The following SRPK1 variants were observed in gnomAD, a reference collection of about 807,000 sequenced individuals.
The protein encoded by SRPK1 is SRSF protein kinase 1.
SRPK1 carries 52 observed loss-of-function variants against 89.5 expected under a neutral mutation model. The observed-to-expected ratio is 0.58, with a 90% CI of 0.46 to 0.73. The LOEUF (loss-of-function observed/expected upper bound fraction) is 0.73, where lower values mean the gene tolerates loss of function less well. Ranked by LOEUF, SRPK1 falls within the 30% of genes least tolerant of loss-of-function variation. The pLI is 0.00. For missense variants in SRPK1, 603 were observed against 780.6 expected (o/e 0.77, Z 2.71); for synonymous variants, 255 against 270.2 (o/e 0.94, Z 0.55).
chr6:35,862,380 A>G (rs1282471185), intron 12 of SRPK1, among the ~76,000 whole-genome samples: 5 of 152,160 alleles, frequency 3.3e-5, no homozygotes, highest in Non-Finnish European at 7.3e-5. Context: ...ACCCTAAGCC[A>G]CAGAGGAAAT....
At chr6:35,866,875 G>T (rs1342718389) in intron 12 of SRPK1, among the ~76,000 whole-genome samples, 1 of 146,484 alleles carries the variant, frequency 6.8e-6, no homozygotes, top group Non-Finnish European at 1.5e-5. Flanking sequence ...CAACATGGAT[G>T]GAACTGGATG....
intron 6 of SRPK1, among the ~76,000 whole-genome samples, chr6:35,877,886 A>C (rs570009699): frequency 2.6e-4 from 40 of 152,294 alleles, no homozygotes; most frequent in Admixed American, 1.1e-3. Context: ...AGAGACAAAA[A>C]GTGCAATGTG....
At chr6:35,867,616 G>A (rs1163689428) in intron 12 of SRPK1, among the ~76,000 whole-genome samples, 1 of 152,144 alleles carries the variant, frequency 6.6e-6, no homozygotes, top group African/African-American at 2.4e-5. Context: ...CGGAGTTTGA[G>A]GCTGGCCTGG....
At chr6:35,913,134 C>G (rs1209672036) in intron 2 of SRPK1, among the ~76,000 whole-genome samples, 6 of 152,180 alleles carry the variant, frequency 3.9e-5, no homozygotes, top group African/African-American at 1.4e-4. Flanking sequence ...GGCACTTCAA[C>G]AAGTTGCTGG....
At chr6:35,920,213 G>T in intron 2 of SRPK1, 1 of 589,486 alleles carries the variant, frequency 1.7e-6, no homozygotes. Context: ...GGGAGGAAAG[G>T]TACCGGGCGG....
chr6:35,855,548 T>A (rs1232256844), intron 13 of SRPK1, among the ~76,000 whole-genome samples: 1 of 152,186 alleles, frequency 6.6e-6, no homozygotes, highest in Non-Finnish European at 1.5e-5. Context: ...TATGTTTCTG[T>A]TTATTCATTA....
At chr6:35,885,260 A>AACACACACACACACAC (rs71540130) in intron 6 of SRPK1, among the ~76,000 whole-genome samples, 6 of 111,858 alleles carry the variant, frequency 5.4e-5, no homozygotes, top group African/African-American at 1.6e-4. Context: ...TAATTCTTTG[A>AACACACACACACACAC]ACACACACAC....
At chr6:35,915,230 C>T (rs36113936) in intron 2 of SRPK1, among the ~76,000 whole-genome samples, 24 of 151,960 alleles carry the variant, frequency 1.6e-4, no homozygotes, top group African/African-American at 4.8e-4. Context: ...AGTTAAACCT[C>T]GTCTCTACTA....
At chr6:35,919,619 G>A (rs1771184714) in intron 2 of SRPK1, among the ~76,000 whole-genome samples, 1 of 152,226 alleles carries the variant, frequency 6.6e-6, no homozygotes, top group South Asian at 2.1e-4. Flanking sequence ...AGTACATGAT[G>A]AAAGTTCTTA....
At chr6:35,894,836 T>A (rs1468714245) in intron 2 of SRPK1, among the ~76,000 whole-genome samples, 1 of 152,218 alleles carries the variant, frequency 6.6e-6, no homozygotes, top group Non-Finnish European at 1.5e-5. Flanking sequence ...CCCATTCATC[T>A]TCTCTGAAGA....
intron 2 of SRPK1, among the ~76,000 whole-genome samples, chr6:35,892,703 A>C (rs1269192080): frequency 2.0e-5 from 3 of 151,630 alleles, no homozygotes; most frequent in African/African-American, 7.3e-5. Context: ...AACAACACAA[A>C]ACAAAACAAA....
intron 6 of SRPK1, among the ~76,000 whole-genome samples, chr6:35,882,161 T>TAGTAGTAGCAGC (rs1480474645): frequency 2.7e-4 from 32 of 118,440 alleles, no homozygotes; most frequent in Middle Eastern, 4.8e-3. Flanking sequence ...GTAGTAGTAG[T>TAGTAGTAGCAGC]AGCAGCAGCA....
intron 3 of SRPK1, 38 bp from the exon 4 acceptor site, chr6:35,888,961 G>C (rs1227287296): frequency 5.7e-6 from 8 of 1,400,036 alleles, no homozygotes; most frequent in Admixed American, 5.1e-5. Flanking sequence ...GAAAAACCAG[G>C]ATGAGAAACA....
In SRPK1 at chr6:35,843,689, T is replaced by A. The variant is rs938311289; in HGVS notation, c.1621-1085A>T. ...TGGTCTCAATCTCTTGACCTCATGA[T>A]CCACCCGCCTCTGCCTCCCAAAGTG... On this transcript the variant is annotated intron_variant, in intron 13 of 15. Coordinates refer to ENST00000373825, the MANE Select transcript of SRPK1 (RefSeq NM_003137.5). 3.9e-5 allele frequency among the ~76,000 whole-genome samples: 6 copies of A among 152,150 alleles called. No homozygotes were observed. In the East Asian group the frequency reaches 1.2e-3, roughly 30 times the overall value.
intron 13 of SRPK1, among the ~76,000 whole-genome samples, chr6:35,847,567 T>G (rs1769452704): frequency 6.6e-6 from 1 of 151,876 alleles, no homozygotes; most frequent in African/African-American, 2.4e-5. Flanking sequence ...TTAGGACTAA[T>G]AAACAAATAC....
intron 2 of SRPK1, among the ~76,000 whole-genome samples, chr6:35,916,223 C>T (rs1460491987): frequency 9.8e-6 from 1 of 101,748 alleles, no homozygotes; most frequent in African/African-American, 4.1e-5. Flanking sequence ...AAGACTCTGC[C>T]TCAAATAAAT....
chr6:35,886,820 G>C lies in SRPK1; in HGVS notation c.391-9C>G, dbSNP rs528840374. On this transcript the variant is annotated splice_polypyrimidine_tract_variant and intron_variant, in intron 5 of 15. Coordinates refer to ENST00000373825, the MANE Select transcript of SRPK1 (RefSeq NM_003137.5). ...GGGTCTGAATTGCGAACCTGTAGTG[G>C]GGAAGAGACAGTGTTTAGCACAAGG... is the stretch of plus-strand genomic sequence containing the variant. The C allele has an allele frequency of 2.6e-6, 4 of 1,546,988 alleles. No homozygotes were observed. The South Asian group carries it at 4.5e-5, about 17-fold the overall frequency.
chr6:35,856,255 G>C (rs1170104103), intron 13 of SRPK1, among the ~76,000 whole-genome samples: 1 of 152,160 alleles, frequency 6.6e-6, no homozygotes, highest in Non-Finnish European at 1.5e-5. Flanking sequence ...ACATCAATGT[G>C]CCAGGAGGGT....
At chr6:35,917,692 G>A (rs577677729) in intron 2 of SRPK1, among the ~76,000 whole-genome samples, 1 of 152,278 alleles carries the variant, frequency 6.6e-6, no homozygotes, top group East Asian at 1.9e-4. Context: ...TGCAGTACCA[G>A]GGGACTGAAA....
Sources: allele counts gnomAD v4.1 joint callset (sites outside exome capture counted in the v4.1 genomes callset), GRCh38; gene constraint gnomAD v4.1.1; transcripts MANE v1.5; gene names NCBI Gene and HGNC (gene_info 2026-07-23, HGNC 2026-07-21).